The following GRIA1 variants were observed in gnomAD, a reference collection of about 807,000 sequenced individuals.
The protein encoded by GRIA1 is glutamate ionotropic receptor AMPA type subunit 1, also known as glutamate receptor 1.
In GRIA1, 31 loss-of-function variants were observed where a neutral mutation model predicts 99.2. The ratio of observed to expected loss-of-function variants is 0.31; its 90% CI spans 0.23 to 0.42. The LOEUF (loss-of-function observed/expected upper bound fraction) is 0.42. Ranked by LOEUF, GRIA1 falls within the 10% of genes least tolerant of loss-of-function variation. GRIA1 has a pLI of 1.00. For synonymous variants in GRIA1, 438 were observed against 432.4 expected, an observed-to-expected ratio of 1.01 and a Z score of -0.16; for missense variants, 782 against 1,157.5, an observed-to-expected ratio of 0.68 and a Z score of 4.71.
intron 14 of GRIA1, among the ~76,000 whole-genome samples, chr5:153,799,602 T>C (rs1307994448): frequency 6.6e-6 from 1 of 152,236 alleles, no homozygotes; most frequent in Non-Finnish European, 1.5e-5. Flanking sequence ...TTGGTGGCAA[T>C]TGGGCCCAGG....
chr5:153,797,219 G>A (rs1430995192), intron 14 of GRIA1, among the ~76,000 whole-genome samples: 1 of 152,218 alleles, frequency 6.6e-6, no homozygotes, highest in Non-Finnish European at 1.5e-5. Flanking sequence ...GTAAGGCACA[G>A]TAGGCAACAG....
chr5:153,514,102 C>T (rs2113330708), intron 2 of GRIA1, among the ~76,000 whole-genome samples: 1 of 152,326 alleles, frequency 6.6e-6, no homozygotes, highest in East Asian at 1.9e-4. Context: ...CCAAGGAATG[C>T]TTTCCTGGCT....
At chr5:153,563,638 A>C (rs1561645178) in intron 2 of GRIA1, among the ~76,000 whole-genome samples, 1 of 152,136 alleles carries the variant, frequency 6.6e-6, no homozygotes, top group Non-Finnish European at 1.5e-5. Context: ...TATGTGTAAT[A>C]TTGGTTGTGG....
intron 2 of GRIA1, among the ~76,000 whole-genome samples, chr5:153,556,309 A>C (rs1760640353): frequency 6.6e-6 from 1 of 152,134 alleles, no homozygotes; most frequent in Non-Finnish European, 1.5e-5. Context: ...GGAGAGGCTC[A>C]GAGATCAGTT....
intron 11 of GRIA1, among the ~76,000 whole-genome samples, chr5:153,733,942 A>T (rs1309125917): frequency 6.6e-6 from 1 of 152,210 alleles, no homozygotes; most frequent in Admixed American, 6.5e-5. Context: ...TCAACAATGG[A>T]TAACTTATCC....
At chr5:153,682,810 C>T (rs1005365756) in intron 7 of GRIA1, among the ~76,000 whole-genome samples, 36 of 152,182 alleles carry the variant, frequency 2.4e-4, no homozygotes, top group Non-Finnish European at 1.3e-4. Flanking sequence ...GTCTTCTTCA[C>T]TGTGCTTTAA....
At chr5:153,761,273 G>A (rs1302398514) in intron 11 of GRIA1, among the ~76,000 whole-genome samples, 1 of 152,088 alleles carries the variant, frequency 6.6e-6, no homozygotes, top group Non-Finnish European at 1.5e-5. Flanking sequence ...TGCAAGCTAT[G>A]TATCTTACAA....
Position 153,641,799 on chromosome 5 carries a change from G to C in GRIA1, c.221-5129G>C, listed in dbSNP as rs140300878. Among the ~76,000 whole-genome samples the C allele has an allele frequency of 8.5e-4, 129 of 152,328 alleles. 1 individual carries two copies. Among genetic ancestry groups the C allele is most frequent in the Middle Eastern group, 3.4e-3 (1 of 294 alleles). ...GCTTTCTTTGAGGTCCCCAAAGGAT[G>C]GGGTTAGGTGTCCCTGCCTGCTGAA... On this transcript the variant is annotated intron_variant, in intron 2 of 15. Transcript: ENST00000285900.
intron 2 of GRIA1, among the ~76,000 whole-genome samples, chr5:153,610,563 A>C (rs1053459532): frequency 6.6e-6 from 1 of 152,320 alleles, no homozygotes; most frequent in Non-Finnish European, 1.5e-5. Flanking sequence ...ATGCAAAATA[A>C]TCTCTGCCTT....
intron 1 of GRIA1, among the ~76,000 whole-genome samples, chr5:153,493,158 T>C (rs1199924560): frequency 1.3e-5 from 2 of 152,228 alleles, no homozygotes; most frequent in African/African-American, 4.8e-5. Context: ...TTTACTAGAA[T>C]AGAATGTTTG....
chr5:153,696,345 A>G (rs1758097809), intron 8 of GRIA1, among the ~76,000 whole-genome samples: 1 of 152,236 alleles, frequency 6.6e-6, no homozygotes, highest in African/African-American at 2.4e-5. Flanking sequence ...TCCAGAGCCC[A>G]ATCCCTTCTT....
chr5:153,798,575 C>A (rs981608294), intron 14 of GRIA1, among the ~76,000 whole-genome samples: 4 of 152,292 alleles, frequency 2.6e-5, no homozygotes, highest in African/African-American at 9.6e-5. Flanking sequence ...GGAATGAAAG[C>A]ATTTGGAGAA....
chr5:153,550,492 G>A (rs1173198599), intron 2 of GRIA1, among the ~76,000 whole-genome samples: 1 of 152,002 alleles, frequency 6.6e-6, no homozygotes, highest in Non-Finnish European at 1.5e-5. Flanking sequence ...TGGCACAACT[G>A]GTTGGATGAA....
intron 15 of GRIA1, among the ~76,000 whole-genome samples, chr5:153,809,795 T>C (rs1243531175): frequency 6.6e-6 from 1 of 152,184 alleles, no homozygotes; most frequent in Non-Finnish European, 1.5e-5. Flanking sequence ...TACAAGAGAA[T>C]GTATACTGCA....
chr5:153,680,333 A>G (rs1202393900), intron 7 of GRIA1, among the ~76,000 whole-genome samples: 1 of 151,968 alleles, frequency 6.6e-6, no homozygotes, highest in African/African-American at 2.4e-5. Context: ...ATATTAATGA[A>G]CCCACATCCT....
intron 2 of GRIA1, among the ~76,000 whole-genome samples, chr5:153,563,417 C>G (rs937438399): frequency 6.6e-6 from 1 of 152,136 alleles, no homozygotes; most frequent in African/African-American, 2.4e-5. Context: ...CTGTTCTTTT[C>G]TTTTCTTCCT....
intron 1 of GRIA1, chr5:153,491,324 A>T: frequency 8.5e-7 from 1 of 1,176,962 alleles, no homozygotes. Context: ...GCTTGATTCC[A>T]TTTTTAATGT....
chr5:153,600,464 G>T (rs546246290), intron 2 of GRIA1, among the ~76,000 whole-genome samples: 111 of 145,676 alleles, frequency 7.6e-4, no homozygotes, highest in Middle Eastern at 3.9e-3. Flanking sequence ...AAAGAGAAAT[G>T]CCCTCAAATC....
chr5:153,706,160 T>A, intron 11 of GRIA1, 93 bp downstream of exon 11: 1 of 1,222,690 alleles, frequency 8.2e-7, no homozygotes, highest in South Asian at 1.4e-5. Flanking sequence ...AGTAAAGAGA[T>A]GAATTATTTC....
Sources: gnomAD v4.1 joint callset for allele counts (sites outside exome capture counted in the v4.1 genomes callset) on GRCh38, gnomAD v4.1.1 for gene constraint, MANE v1.5 for transcripts, NCBI Gene and HGNC (gene_info 2026-07-23, HGNC 2026-07-21) for gene names.